Variants in ABCA7 observed in about 807,000 individuals in gnomAD.
ABCA7 encodes phospholipid-transporting ATPase ABCA7.
A neutral mutation model predicts 227.6 loss-of-function variants in ABCA7; 261 were observed. The ratio of observed to expected loss-of-function variants is 1.15; its 90% CI spans 1.04 to 1.27. The LOEUF (loss-of-function observed/expected upper bound fraction) is 1.27. ABCA7 is among the 50% of genes most tolerant of loss of function. The probability of loss-of-function intolerance (pLI) is 0.00; values close to 1 mark genes in which losing one functional copy is unlikely to be tolerated. For synonymous variants in ABCA7, 1,488 were observed against 1,279.7 expected, an observed-to-expected ratio of 1.16 and a Z score of -3.47; for missense variants, 3,331 against 2,924.5, an observed-to-expected ratio of 1.14 and a Z score of -3.21.
rs1568228382 is a variant in ABCA7, at chr19:1,042,821, CA to C, written c.575del (p.Gln192ArgfsTer55). ...SLLEAAEDLAQELLALRSLVE... is the reference protein window; with the variant it reads ...SLLEAAEDLAXELLALRSLVE... Reference sequence around the variant, plus strand: ...GTTGGAGGCCGCTGAGGACCTGGCCCAGGAGGTACGAGGCCCCACTCATCCT... The same window carrying C: ...GTTGGAGGCCGCTGAGGACCTGGCCCGGAGGTACGAGGCCCCACTCATCCT... On this transcript the variant is annotated frameshift_variant, in exon 7 of 47. Coordinates refer to ENST00000263094, the MANE Select transcript of ABCA7 (RefSeq NM_019112.4). LOFTEE classifies it high-confidence loss of function. 6.2e-7 allele frequency: 1 copy of C among 1,601,104 alleles called. No homozygotes were observed. The highest frequency in any genetic ancestry group is 2.2e-5 in the East Asian group (1 of 44,754).
intron 42 of ABCA7, 24 bp downstream of exon 42, chr19:1,062,337 C>T: frequency 1.3e-6 from 2 of 1,596,524 alleles, no homozygotes; most frequent in Non-Finnish European, 1.7e-6. Flanking sequence ...GTCCCCACCG[C>T]TCTCACCTCC....
intron 13 of ABCA7, among the ~76,000 whole-genome samples, 193 bp downstream of exon 13, chr19:1,046,599 G>C (rs1250086390): frequency 6.6e-6 from 1 of 152,150 alleles, no homozygotes; most frequent in Non-Finnish European, 1.5e-5. Context: ...GGACTCTGAG[G>C]GTCTGGGGGC....
In ABCA7 at chr19:1,041,615, C is replaced by A. The variant is rs1310954110; in HGVS notation, c.160+12C>A. On this transcript the variant is annotated intron_variant, in intron 3 of 46. Transcript: ENST00000263094. ...GGAGCACCATGAATGTGAGCCCCCC[C>A]AGGGACCAGGCACTTTGTGTGTGTA... 1.2e-6 allele frequency: 2 copies of A among 1,609,796 alleles called. No homozygotes were observed. The highest frequency in any genetic ancestry group is 1.7e-6 in the Non-Finnish European group (2 of 1,179,230).
chr19:1,046,020 A>G (rs2040610704), intron 12 of ABCA7, among the ~76,000 whole-genome samples: 1 of 151,946 alleles, frequency 6.6e-6, no homozygotes. Flanking sequence ...CAAATGAATA[A>G]ATGAATAAAA....
chr19:1,046,322 C>T lies in ABCA7; in HGVS notation c.1538C>T (p.Ala513Val). Residue 513 changes from alanine (A) to valine (V), a missense_variant, in exon 13 of 47, where the codon GCA becomes GTA. Transcript: ENST00000263094. ...TACCTGCAAGACCTGGTGGAGCGTG[C>T]AGCCGTCCGCGTGCTCAGCGGCGCC... ...FVYLQDLVERAAVRVLSGANP... is the reference protein window; with the variant it reads ...FVYLQDLVERVAVRVLSGANP... 1 of 1,603,666 alleles carries T rather than the reference C, an allele frequency of 6.2e-7. No individual in the cohort carries two copies.
In ABCA7 at chr19:1,042,400, A is replaced by G; in HGVS notation, c.498+3A>G. On this transcript the variant is annotated splice_donor_region_variant and intron_variant, in intron 6 of 46. Coordinates refer to ENST00000263094, the MANE Select transcript of ABCA7 (RefSeq NM_019112.4). ...TGCTGACGTCACTGCTGCGCACGGT[A>G]GGGTGTCGGGGCGGGACCGCGCTGA... 1 of 1,610,406 alleles carries G rather than the reference A, an allele frequency of 6.2e-7. No homozygotes were observed. The highest frequency in any genetic ancestry group is 8.5e-7 in the Non-Finnish European group (1 of 1,178,070).
chr19:1,051,321 C>A, intron 20 of ABCA7, 27 bp downstream of exon 20: 1 of 1,539,242 alleles, frequency 6.5e-7, no homozygotes, highest in Non-Finnish European at 8.8e-7. Flanking sequence ...GGGAGGTCAC[C>A]TCACAGGGAG....
chr19:1,050,872 G>A (rs1205683194), intron 18 of ABCA7, 49 bp from the exon 19 acceptor site: 3 of 1,441,256 alleles, frequency 2.1e-6, no homozygotes, highest in Non-Finnish European at 2.8e-6. Context: ...CTCTGTAACT[G>A]CCAGTGCACT....
At position 1,054,355 on chromosome 19, in the gene ABCA7, G is replaced by A; in HGVS notation, c.3726+14G>A. On this transcript the variant is annotated intron_variant, in intron 27 of 46. Transcript: ENST00000263094. This position sits in a 1 kb window ranked among gnomAD's most constrained non-coding sequence, Gnocchi z 4.8. ...CTGTTCGCCCAGGTGAGGAGGGCTAGCACCAGGGAGTCGCATGGGAGTCCC... is the reference window on the plus strand; with the variant it reads ...CTGTTCGCCCAGGTGAGGAGGGCTAACACCAGGGAGTCGCATGGGAGTCCC... 2 of 1,583,414 alleles carry A rather than the reference G, an allele frequency of 1.3e-6. No homozygotes were observed. Among genetic ancestry groups the A allele is most frequent in the Non-Finnish European group, 8.5e-7 (1 of 1,169,738 alleles).
At position 1,058,652 on chromosome 19, in the gene ABCA7, G is replaced by C; in HGVS notation, c.5184G>C (p.Glu1728Asp). ...AGTTCCAGTCACCCCTGCGCTGGGAGGTGGTCGGCAAGAACCTCTTGGCCA... is the reference window on the plus strand; with the variant it reads ...AGTTCCAGTCACCCCTGCGCTGGGACGTGGTCGGCAAGAACCTCTTGGCCA... Reference protein sequence around the residue: ...DRQFQSPLRWEVVGKNLLAMV... With the variant: ...DRQFQSPLRWDVVGKNLLAMV... The change falls in exon 38 of 47, where the codon GAG becomes GAC. Residue 1728 changes from glutamate to aspartate, a missense_variant. Coordinates refer to ENST00000263094, the MANE Select transcript of ABCA7 (RefSeq NM_019112.4). 6.2e-7 allele frequency: 1 copy of C among 1,613,982 alleles called. No homozygotes were observed. Among genetic ancestry groups the C allele is most frequent in the Admixed American group, 1.7e-5 (1 of 60,016 alleles).
In ABCA7 at chr19:1,051,229, A is replaced by G. The variant is rs2041598879; in HGVS notation, c.2759A>G (p.Gln920Arg). The change falls in exon 20 of 47, where the codon CAG becomes CGG. Residue 920 changes from glutamine (Q) to arginine (R), a missense_variant. Coordinates refer to ENST00000263094, the MANE Select transcript of ABCA7 (RefSeq NM_019112.4). ...AGTGCCGCTGTAGTGGGCCCCGAGC[A>G]GGACCGTCTGCTGCAGGATGTGGGG... is the stretch of plus-strand genomic sequence containing the variant. Reference protein sequence around the residue: ...GLSAAVVGPEQDRLLQDVGLV... With the variant: ...GLSAAVVGPERDRLLQDVGLV... 6.2e-7 allele frequency: 1 copy of G among 1,610,686 alleles called. No individual in the cohort carries two copies.
At chr19:1,051,690 C>A in intron 21 of ABCA7, 104 bp downstream of exon 21, 1 of 1,200,024 alleles carries the variant, frequency 8.3e-7, no homozygotes, top group Non-Finnish European at 1.2e-6. Context: ...ACATGTGGAC[C>A]CCACTTGTTG....
intron 44 of ABCA7, 39 bp from the exon 45 acceptor site, chr19:1,064,121 GC>G: frequency 6.6e-7 from 1 of 1,517,522 alleles, no homozygotes; most frequent in Non-Finnish European, 8.9e-7. Context: ...GGCACAGGTG[GC>G]CCCGGCCTCA....
intron 45 of ABCA7, 158 bp from the exon 46 acceptor site, chr19:1,064,773 C>A: frequency 8.7e-7 from 1 of 1,154,072 alleles, no homozygotes; most frequent in Non-Finnish European, 1.1e-6. Flanking sequence ...CTCAGCTACG[C>A]GGGCGGGGGG....
chr19:1,046,438 C>G, intron 13 of ABCA7, 32 bp downstream of exon 13: 1 of 1,517,570 alleles, frequency 6.6e-7, no homozygotes, highest in Non-Finnish European at 8.8e-7. Context: ...CGCTCTTCCC[C>G]GCGGCGGGAA....
At chr19:1,044,086 A>G (rs1050994699) in intron 10 of ABCA7, among the ~76,000 whole-genome samples, 12 of 148,600 alleles carry the variant, frequency 8.1e-5, no homozygotes, top group Non-Finnish European at 1.2e-4. Flanking sequence ...ACAGGCGCCC[A>G]CCACCACGCC....
Position 1,040,128 on chromosome 19 carries a change from A to AG in ABCA7, c.-202dup, listed in dbSNP as rs1342727195. 1 of 152,272 alleles carries AG rather than the reference A, an allele frequency of 6.6e-6. No individual in the cohort carries two copies. Among genetic ancestry groups the AG allele is most frequent in the Non-Finnish European group, 1.5e-5 (1 of 68,064 alleles). 9.4% of individuals were successfully genotyped at this position (152,272 alleles called of 1,614,324 possible). ...GGGCAAGCTCAGCGCACTTGGCTTAAGGGGCGGCGCGCTCCCTGCCTGCTG... is the reference window on the plus strand; with the variant it reads ...GGGCAAGCTCAGCGCACTTGGCTTAAGGGGGCGGCGCGCTCCCTGCCTGCTG... On this transcript the variant is annotated 5_prime_UTR_variant, in exon 1 of 47. Coordinates refer to ENST00000263094, the MANE Select transcript of ABCA7 (RefSeq NM_019112.4).
chr19:1,044,238 CTTTT>C (rs4147941), intron 10 of ABCA7, among the ~76,000 whole-genome samples: 3 of 69,672 alleles, frequency 4.3e-5, no homozygotes, highest in African/African-American at 2.0e-4. Context: ...CCACGTCCTG[CTTTT>C]TTTTTTTTTT....
chr19:1,054,799 C>A lies in ABCA7; in HGVS notation c.3871C>A (p.Pro1291Thr). The A allele has an allele frequency of 6.3e-7, 1 of 1,593,182 alleles. No homozygotes were observed. The highest frequency in any genetic ancestry group is 2.3e-5 in the East Asian group (1 of 43,602). Residue 1291 changes from proline (P) to threonine (T), a missense_variant, in exon 29 of 47, where the codon CCT (proline) becomes ACT (threonine). Physicochemically the swap from Pro to Thr is conservative, Grantham distance 38 (BLOSUM62 -1). Transcript: ENST00000263094. The surrounding 1 kb of genome is among the most constrained non-coding windows in gnomAD (Gnocchi z 4.8). ...ACACAGTGAGGACGCCCCAGGGGAC[C>A]CTGGACGTGCCCGGCTGCTCGAGGC... ...SFFSEDAPGD[P>T]GRARLLEALL...
Sources: gnomAD v4.1 joint callset for allele counts (sites outside exome capture counted in the v4.1 genomes callset) on GRCh38, gnomAD v4.1.1 for gene constraint, Gnocchi (gnomAD v3.1) non-coding constraint, MANE v1.5 for transcripts, NCBI Gene and HGNC (gene_info 2026-07-23, HGNC 2026-07-21) for gene names.